The following PLPPR1 variants were observed in gnomAD, a reference collection of about 807,000 sequenced individuals.
PLPPR1 encodes the protein phospholipid phosphatase related 1.
Under a neutral mutation model 33.1 loss-of-function variants are expected in PLPPR1, and 10 were observed. The ratio of observed to expected loss-of-function variants is 0.30; its 90% CI spans 0.19 to 0.51. PLPPR1 has a LOEUF of 0.51. Ranked by LOEUF, PLPPR1 falls within the 20% of genes least tolerant of loss-of-function variation. The pLI, the probability that PLPPR1 is intolerant of heterozygous loss-of-function variation, is 0.97. For missense variants in PLPPR1, 304 were observed against 408.1 expected, an observed-to-expected ratio of 0.74 and a Z score of 2.20; for synonymous variants, 151 against 151.0, an observed-to-expected ratio of 1.00 and a Z score of 0.00.
intron 2 of PLPPR1, among the ~76,000 whole-genome samples, chr9:101,256,712 A>G (rs923229504): frequency 5.9e-5 from 9 of 152,152 alleles, no homozygotes; most frequent in African/African-American, 2.2e-4. Flanking sequence ...GGGGGTCCCT[A>G]TGCCTGAACT....
intron 1 of PLPPR1, among the ~76,000 whole-genome samples, chr9:101,144,199 A>G (rs1831492929): frequency 6.6e-6 from 1 of 150,770 alleles, no homozygotes; most frequent in Non-Finnish European, 1.5e-5. Context: ...TCTCACTCAT[A>G]GGTGGGAATT....
chr9:101,295,667 T>C lies in PLPPR1; in HGVS notation c.385+9431T>C, dbSNP rs1017326500. On this transcript the variant is annotated intron_variant, in intron 4 of 7. Coordinates refer to ENST00000374874, the MANE Select transcript of PLPPR1 (RefSeq NM_207299.2). The stretch of plus-strand genomic sequence containing the variant: ...ACGCCACATATCTACAACTATCTGA[T>C]CTTTGACAAACCTGAGAAAAACAAG... Among the ~76,000 whole-genome samples, 283 of 151,438 alleles carry C rather than the reference T, an allele frequency of 1.9e-3. 5 individuals are homozygous for C. The East Asian group carries it at 0.033, about 18-fold the overall frequency.
rs758901259 is a variant in PLPPR1, at chr9:101,312,899, G to A, written c.738G>A (p.Arg246=). ...LCTAFLTGLN[R]VSEYRNHCSD... is the part of the protein sequence containing the mutation. Reference sequence around the variant, plus strand: ...CAGCCTTCCTGACAGGCCTCAACCGGGTCTCTGAGTATCGGAACCACTGCT... The same window carrying A: ...CAGCCTTCCTGACAGGCCTCAACCGAGTCTCTGAGTATCGGAACCACTGCT... Residue 246 remains arginine (R), a synonymous_variant, in exon 6 of 8, where the codon CGG becomes CGA. Coordinates refer to ENST00000374874, the MANE Select transcript of PLPPR1 (RefSeq NM_207299.2). 1.9e-6 allele frequency: 3 copies of A among 1,614,106 alleles called. No individual in the cohort carries two copies. The highest frequency in any genetic ancestry group is 8.5e-7 in the Non-Finnish European group (1 of 1,180,024).
intron 4 of PLPPR1, among the ~76,000 whole-genome samples, chr9:101,288,182 C>T (rs1183843027): frequency 6.6e-6 from 1 of 152,088 alleles, no homozygotes; most frequent in East Asian, 1.9e-4. Context: ...CAGAAGATCA[C>T]CACCATCCAG....
At chr9:101,111,892 CT>C (rs992043522) in intron 1 of PLPPR1, among the ~76,000 whole-genome samples, 2 of 152,110 alleles carry the variant, frequency 1.3e-5, no homozygotes, top group Non-Finnish European at 2.9e-5. Context: ...ATTAGAAAGT[CT>C]TTGTAGTAGA....
chr9:101,273,410 A>G (rs1462182773), intron 3 of PLPPR1, among the ~76,000 whole-genome samples: 3 of 152,200 alleles, frequency 2.0e-5, no homozygotes, highest in Admixed American at 2.0e-4. Flanking sequence ...CCTACAGGGC[A>G]TGTGGCTTTT....
At chr9:101,253,173 C>T (rs754375546) in intron 2 of PLPPR1, among the ~76,000 whole-genome samples, 2 of 151,866 alleles carry the variant, frequency 1.3e-5, no homozygotes, top group South Asian at 2.1e-4. Flanking sequence ...GAGGGTTCCA[C>T]AGCATTTCAT....
intron 1 of PLPPR1, chr9:101,131,635 G>A (rs1270561692): frequency 6.6e-6 from 1 of 152,196 alleles, no homozygotes; most frequent in Non-Finnish European, 1.5e-5. Context: ...ATGCGGATAT[G>A]GAAGGTTTGC....
intron 2 of PLPPR1, among the ~76,000 whole-genome samples, chr9:101,212,758 T>C (rs1398486730): frequency 1.3e-5 from 2 of 152,198 alleles, no homozygotes; most frequent in South Asian, 2.1e-4. Context: ...ATATCTATAT[T>C]GAAAGGAATG....
intron 4 of PLPPR1, among the ~76,000 whole-genome samples, chr9:101,301,237 G>A (rs541864961): frequency 1.2e-4 from 18 of 152,182 alleles, no homozygotes; most frequent in African/African-American, 4.3e-4. Context: ...TAATACAAAG[G>A]ATGAATAACT....
At chr9:101,178,538 G>A (rs916862376) in intron 1 of PLPPR1, among the ~76,000 whole-genome samples, 5 of 152,178 alleles carry the variant, frequency 3.3e-5, no homozygotes, top group African/African-American at 7.2e-5. Flanking sequence ...ATTCCACACA[G>A]CATTGCCTCT....
intron 2 of PLPPR1, among the ~76,000 whole-genome samples, chr9:101,208,770 T>A (rs1414549018): frequency 6.6e-6 from 1 of 152,156 alleles, no homozygotes; most frequent in Non-Finnish European, 1.5e-5. Context: ...CCACAAAAAT[T>A]CTAATTCATT....
chr9:101,267,970 T>C (rs1339542971), intron 2 of PLPPR1, among the ~76,000 whole-genome samples: 2 of 152,126 alleles, frequency 1.3e-5, no homozygotes, highest in African/African-American at 4.8e-5. Flanking sequence ...TGGATGAAGC[T>C]GGAAACCATC....
At position 101,316,616 on chromosome 9, in the gene PLPPR1, C is replaced by CAAAAAAAAAAAA. The variant is rs553324474; in HGVS notation, c.814-748_814-737dup. On this transcript the variant is annotated intron_variant, in intron 6 of 7. Coordinates refer to ENST00000374874, the MANE Select transcript of PLPPR1 (RefSeq NM_207299.2). ...AGGGAAAAGGAGGGTTCTTCTTGGG[C>CAAAAAAAAAAAA]AAAAAAAAAAAAGCAGGGAAGATGG... Among the ~76,000 whole-genome samples the CAAAAAAAAAAAA allele has an allele frequency of 7.6e-4, 63 of 82,494 alleles. 6 individuals carry two copies. Among genetic ancestry groups the CAAAAAAAAAAAA allele is most frequent in the Non-Finnish European group, 1.0e-3 (44 of 42,800 alleles). 54.1% of individuals were successfully genotyped at this position (82,494 alleles called of 152,430 possible).
intron 3 of PLPPR1, among the ~76,000 whole-genome samples, chr9:101,271,014 TG>T (rs1362886174): frequency 1.3e-5 from 2 of 152,190 alleles, no homozygotes; most frequent in African/African-American, 4.8e-5. Context: ...GCCAATGTTT[TG>T]CTTGCTTTCA....
At chr9:101,289,782 CTT>C (rs1211785558) in intron 4 of PLPPR1, among the ~76,000 whole-genome samples, 1 of 152,242 alleles carries the variant, frequency 6.6e-6, no homozygotes, top group East Asian at 1.9e-4. Flanking sequence ...CATTAAACCT[CTT>C]TGCTTTGTAA....
At chr9:101,069,039 G>T (rs917884539) in intron 1 of PLPPR1, among the ~76,000 whole-genome samples, 1 of 151,960 alleles carries the variant, frequency 6.6e-6, no homozygotes, top group Admixed American at 6.6e-5. Flanking sequence ...TCCCCTGGTG[G>T]CATTTAAGAT....
chr9:101,281,707 A>G (rs902685681), intron 3 of PLPPR1, among the ~76,000 whole-genome samples: 1 of 152,126 alleles, frequency 6.6e-6, no homozygotes, highest in African/African-American at 2.4e-5. Context: ...ACAAGAAAAA[A>G]GAGAAGATTC....
intron 1 of PLPPR1, among the ~76,000 whole-genome samples, chr9:101,085,556 G>T (rs960356900): frequency 6.6e-6 from 1 of 151,882 alleles, no homozygotes; most frequent in Non-Finnish European, 1.5e-5. Context: ...CAAACATTGG[G>T]GCCAACATTA....
Sources: allele counts gnomAD v4.1 joint callset (sites outside exome capture counted in the v4.1 genomes callset), GRCh38; gene constraint gnomAD v4.1.1; transcripts MANE v1.5; gene names NCBI Gene and HGNC (gene_info 2026-07-23, HGNC 2026-07-21).